Variants in CNTNAP2 observed in about 807,000 individuals in gnomAD.
CNTNAP2 encodes contactin associated protein 2, also known as contactin-associated protein-like 2.
A neutral mutation model predicts 155.2 loss-of-function variants in CNTNAP2; 98 were observed. The observed-to-expected ratio is 0.63, with a 90% CI of 0.54 to 0.75. CNTNAP2 has a LOEUF of 0.75. Among genes scored for constraint, CNTNAP2 ranks in the 30% least tolerant of loss-of-function variants. The probability of loss-of-function intolerance (pLI) is 0.00; values close to 1 mark genes in which losing one functional copy is unlikely to be tolerated. For missense variants in CNTNAP2, 1,727 were observed against 1,688.1 expected (o/e 1.02, Z -0.40); for synonymous variants, 651 against 631.2 (o/e 1.03, Z -0.47).
chr7:146,983,235 G>T (rs960182639), intron 3 of CNTNAP2, among the ~76,000 whole-genome samples: 1 of 152,122 alleles, frequency 6.6e-6, no homozygotes, highest in South Asian at 2.1e-4. Context: ...CTGCTGAATG[G>T]AAGTGGGAGT....
chr7:147,589,231 T>C (rs1800692891), intron 12 of CNTNAP2, among the ~76,000 whole-genome samples: 1 of 152,310 alleles, frequency 6.6e-6, no homozygotes, highest in African/African-American at 2.4e-5. Flanking sequence ...AGACAGCTGG[T>C]TAGTAAAAGT....
intron 4 of CNTNAP2, among the ~76,000 whole-genome samples, chr7:147,100,460 T>C (rs1237710769): frequency 6.6e-6 from 1 of 152,218 alleles, no homozygotes; most frequent in Non-Finnish European, 1.5e-5. Flanking sequence ...TTAGTGACTT[T>C]AATCTTGGAA....
intron 13 of CNTNAP2, among the ~76,000 whole-genome samples, chr7:147,778,368 A>G (rs758293735): frequency 1.3e-5 from 2 of 152,252 alleles, no homozygotes; most frequent in Non-Finnish European, 2.9e-5. Flanking sequence ...TAGTCTTCAT[A>G]TGCTTTACAC....
chr7:147,601,473 A>G (rs1800942324), intron 12 of CNTNAP2, among the ~76,000 whole-genome samples: 1 of 151,982 alleles, frequency 6.6e-6, no homozygotes, highest in African/African-American at 2.4e-5. Context: ...TAATGTCATC[A>G]GTTAAGGAAT....
At chr7:147,778,031 G>A (rs542492553) in intron 13 of CNTNAP2, among the ~76,000 whole-genome samples, 2 of 152,018 alleles carry the variant, frequency 1.3e-5, no homozygotes, top group South Asian at 2.1e-4. Flanking sequence ...CTCTCCTATG[G>A]AACTTTTTAC....
intron 19 of CNTNAP2, among the ~76,000 whole-genome samples, chr7:148,218,821 G>T (rs903205187): frequency 9.2e-5 from 14 of 151,964 alleles, no homozygotes; most frequent in African/African-American, 3.4e-4. Flanking sequence ...TGACCCTTCA[G>T]CAGTGACCTC....
chr7:147,999,101 G>C (rs1397310739), intron 15 of CNTNAP2, among the ~76,000 whole-genome samples: 1 of 149,620 alleles, frequency 6.7e-6, no homozygotes, highest in African/African-American at 2.5e-5. Flanking sequence ...CTTTTTTTTT[G>C]AGACAGAGTG....
At chr7:147,796,462 A>G (rs545619259) in intron 13 of CNTNAP2, among the ~76,000 whole-genome samples, 1 of 152,222 alleles carries the variant, frequency 6.6e-6, no homozygotes, top group East Asian at 1.9e-4. Flanking sequence ...TTACCTAATT[A>G]TATTTTATCT....
chr7:147,603,654 A>G (rs2116864801), intron 12 of CNTNAP2, among the ~76,000 whole-genome samples: 1 of 152,312 alleles, frequency 6.6e-6, no homozygotes, highest in South Asian at 2.1e-4. Flanking sequence ...GCCCAAGCTA[A>G]TTTATAGATT....
At chr7:146,874,670 T>C (rs142293842) in intron 3 of CNTNAP2, among the ~76,000 whole-genome samples, 204 of 152,294 alleles carry the variant, frequency 1.3e-3, no homozygotes, top group African/African-American at 4.5e-3. Flanking sequence ...AAAATTGTAA[T>C]TGTGTGACTG....
chr7:147,077,029 T>G (rs1009962817), intron 4 of CNTNAP2, among the ~76,000 whole-genome samples: 7 of 152,130 alleles, frequency 4.6e-5, no homozygotes, highest in Non-Finnish European at 1.0e-4. Context: ...ACAGATACTA[T>G]GGTATTAGAT....
In CNTNAP2 at chr7:147,700,665, T is replaced by G. The variant is rs146980783; in HGVS notation, c.2098+61359T>G. 2.8e-3 allele frequency among the ~76,000 whole-genome samples: 426 copies of G among 152,200 alleles called. 1 individual carries two copies. Among genetic ancestry groups the G allele is most frequent in the African/African-American group, 9.6e-3 (397 of 41,530 alleles). Reference sequence around the variant, plus strand: ...ATTGAAACTTGGAAACTTATTGGTGTTTTATGAGGAGACACAATTGCTCCC... The same window carrying G: ...ATTGAAACTTGGAAACTTATTGGTGGTTTATGAGGAGACACAATTGCTCCC... On this transcript the variant is annotated intron_variant, in intron 13 of 23. Transcript: ENST00000361727.
At chr7:146,372,569 A>G (rs746964271) in intron 1 of CNTNAP2, among the ~76,000 whole-genome samples, 31 of 152,310 alleles carry the variant, frequency 2.0e-4, no homozygotes, top group Non-Finnish European at 3.5e-4. Context: ...ATTTCTAAGA[A>G]GTAATGTTAT....
At chr7:147,629,602 T>G (rs1795048250) in intron 12 of CNTNAP2, among the ~76,000 whole-genome samples, 1 of 151,804 alleles carries the variant, frequency 6.6e-6, no homozygotes, top group South Asian at 2.1e-4. Flanking sequence ...TTGATAAACT[T>G]AAGAAAATAA....
At chr7:147,446,123 CTT>C (rs35712483) in intron 10 of CNTNAP2, among the ~76,000 whole-genome samples, 47,456 of 139,410 alleles carry the variant, frequency 0.34, 8,074 homozygotes, top group Admixed American at 0.38. Flanking sequence ...TTGTTTCTTT[CTT>C]TTTTTTTTTT....
intron 21 of CNTNAP2, among the ~76,000 whole-genome samples, chr7:148,289,139 T>C (rs147709606): frequency 1.3e-5 from 2 of 152,192 alleles, no homozygotes; most frequent in African/African-American, 4.8e-5. Context: ...AGCTCAGCGC[T>C]CTCAGAAATT....
At chr7:147,155,012 A>G (rs1353834614) in intron 8 of CNTNAP2, among the ~76,000 whole-genome samples, 1 of 152,192 alleles carries the variant, frequency 6.6e-6, no homozygotes, top group Non-Finnish European at 1.5e-5. Context: ...GAAAAGGCTC[A>G]AGAGGAACAC....
intron 3 of CNTNAP2, among the ~76,000 whole-genome samples, chr7:146,993,076 T>G (rs904608774): frequency 1.3e-5 from 2 of 152,076 alleles, no homozygotes; most frequent in Non-Finnish European, 2.9e-5. Context: ...GCAGGAGAGA[T>G]GGAGGCAATA....
At chr7:146,848,436 T>C (rs1794804057) in intron 3 of CNTNAP2, among the ~76,000 whole-genome samples, 1 of 152,198 alleles carries the variant, frequency 6.6e-6, no homozygotes, top group Non-Finnish European at 1.5e-5. Context: ...ACAAGCATAA[T>C]TGCTGTCTTC....
Sources: allele counts gnomAD v4.1 joint callset (sites outside exome capture counted in the v4.1 genomes callset), GRCh38; gene constraint gnomAD v4.1.1; transcripts MANE v1.5; gene names NCBI Gene and HGNC (gene_info 2026-07-23, HGNC 2026-07-21).